The following OPCML variants were observed in gnomAD, a reference collection of about 807,000 sequenced individuals.
OPCML encodes opioid-binding protein/cell adhesion molecule.
In OPCML, 13 loss-of-function variants were observed where a neutral mutation model predicts 37.8. That is an observed-to-expected ratio of 0.34 (90% CI 0.22 to 0.55). The LOEUF is 0.55. Among genes scored for constraint, OPCML ranks in the 20% least tolerant of loss-of-function variants. The probability of loss-of-function intolerance (pLI) is 0.91; values close to 1 mark genes in which losing one functional copy is unlikely to be tolerated. For synonymous variants in OPCML, 176 were observed against 168.8 expected (o/e 1.04, Z -0.33); for missense variants, 341 against 435.6 (o/e 0.78, Z 1.93).
intron 2 of OPCML, among the ~76,000 whole-genome samples, chr11:132,735,591 C>G (rs1024678934): frequency 6.6e-6 from 1 of 152,096 alleles, no homozygotes; most frequent in African/African-American, 2.4e-5. Flanking sequence ...TTACACCACT[C>G]TCCTACCTCA....
intron 1 of OPCML, among the ~76,000 whole-genome samples, chr11:133,289,594 CAAAAAAAAA>C (rs1229577687): frequency 1.9e-5 from 1 of 52,304 alleles, no homozygotes. Context: ...GACTCCATCT[CAAAAAAAAA>C]AAAAAAAAAA....
intron 1 of OPCML, among the ~76,000 whole-genome samples, chr11:133,516,676 C>T (rs1467094292): frequency 6.6e-6 from 1 of 152,126 alleles, no homozygotes; most frequent in Non-Finnish European, 1.5e-5. Flanking sequence ...TAGATGGTCC[C>T]TGGTGCAGAG....
chr11:133,066,534 G>A (rs569201232), intron 1 of OPCML: 12 of 152,228 alleles, frequency 7.9e-5, no homozygotes, highest in African/African-American at 1.2e-4. Context: ...TTCTGACTAC[G>A]GTATCCAGCA....
intron 1 of OPCML, among the ~76,000 whole-genome samples, chr11:133,108,446 A>C (rs1420338155): frequency 6.6e-6 from 1 of 152,140 alleles, no homozygotes; most frequent in Non-Finnish European, 1.5e-5. Flanking sequence ...TGCAATCAAC[A>C]ATCCATCATA....
chr11:132,964,224 G>A (rs971717722), intron 1 of OPCML, among the ~76,000 whole-genome samples: 2 of 152,206 alleles, frequency 1.3e-5, no homozygotes, highest in East Asian at 3.9e-4. Flanking sequence ...TGTCTGAATC[G>A]TGTTGACTAC....
chr11:132,560,779 T>G (rs1160518567), intron 3 of OPCML, among the ~76,000 whole-genome samples: 1 of 152,002 alleles, frequency 6.6e-6, no homozygotes, highest in Admixed American at 6.6e-5. Context: ...GATGGGATTG[T>G]TTTTTTCTTG....
At chr11:132,581,182 A>G (rs1337826624) in intron 3 of OPCML, among the ~76,000 whole-genome samples, 9 of 152,214 alleles carry the variant, frequency 5.9e-5, no homozygotes, top group Non-Finnish European at 1.0e-4. Flanking sequence ...GATGCTTCCT[A>G]TAGATCATCA....
intron 3 of OPCML, among the ~76,000 whole-genome samples, chr11:132,648,200 G>T (rs1941251330): frequency 6.6e-6 from 1 of 152,176 alleles, no homozygotes; most frequent in Non-Finnish European, 1.5e-5. Flanking sequence ...CTATATGAGG[G>T]TCATGGTGGA....
At chr11:132,900,449 G>T (rs556194213) in intron 2 of OPCML, among the ~76,000 whole-genome samples, 1 of 152,064 alleles carries the variant, frequency 6.6e-6, no homozygotes, top group South Asian at 2.1e-4. Flanking sequence ...CATCCCAAAG[G>T]GTCTCCAGGT....
chr11:132,877,424 T>A (rs1943061933), intron 2 of OPCML, among the ~76,000 whole-genome samples: 1 of 152,112 alleles, frequency 6.6e-6, no homozygotes, highest in Non-Finnish European at 1.5e-5. Flanking sequence ...CACACTGGAG[T>A]CTGGCCCTAG....
chr11:133,136,828 CGT>C (rs141952561), intron 1 of OPCML, among the ~76,000 whole-genome samples: 39,321 of 125,896 alleles, frequency 0.31, 5,809 homozygotes, highest in Admixed American at 0.43. Context: ...TCTATGTGCA[CGT>C]GTGTGTGTGT....
intron 1 of OPCML, among the ~76,000 whole-genome samples, chr11:133,039,894 T>A (rs753698645): frequency 1.9e-4 from 29 of 151,830 alleles, no homozygotes; most frequent in South Asian, 1.5e-3. Flanking sequence ...CTGGGTATGG[T>A]GGTGGGCACC....
At chr11:132,552,415 A>G (rs756161286) in intron 3 of OPCML, among the ~76,000 whole-genome samples, 17 of 152,106 alleles carry the variant, frequency 1.1e-4, no homozygotes, top group Non-Finnish European at 1.2e-4. Context: ...AGTGTTCCCC[A>G]TATTTATCTG....
intron 1 of OPCML, among the ~76,000 whole-genome samples, chr11:132,962,693 C>A (rs1946119499): frequency 6.6e-6 from 1 of 152,210 alleles, no homozygotes; most frequent in Non-Finnish European, 1.5e-5. Context: ...TACTCTGTAC[C>A]ATCCCCACCT....
At chr11:132,795,315 TTTTG>T (rs768760541) in intron 2 of OPCML, among the ~76,000 whole-genome samples, 1 of 152,230 alleles carries the variant, frequency 6.6e-6, no homozygotes, top group African/African-American at 2.4e-5. Flanking sequence ...ATTCTGGAGT[TTTTG>T]TTTGTTTCTC....
At chr11:133,071,635 G>A (rs1948537267) in intron 1 of OPCML, among the ~76,000 whole-genome samples, 1 of 152,168 alleles carries the variant, frequency 6.6e-6, no homozygotes, top group African/African-American at 2.4e-5. Context: ...AAATGTAAAT[G>A]TAGATCATAC....
At chr11:133,122,696 G>A (rs939408560) in intron 1 of OPCML, among the ~76,000 whole-genome samples, 9 of 152,088 alleles carry the variant, frequency 5.9e-5, no homozygotes, top group Admixed American at 1.3e-4. Flanking sequence ...ACAACTCAGC[G>A]TTGATTTACC....
intron 4 of OPCML, among the ~76,000 whole-genome samples, chr11:132,467,425 A>G (rs1487932020): frequency 1.3e-5 from 2 of 152,252 alleles, no homozygotes; most frequent in African/African-American, 4.8e-5. Context: ...ACAATGTCAC[A>G]TTAGTCAACT....
chr11:133,201,832 C>T (rs755753158), intron 1 of OPCML, among the ~76,000 whole-genome samples: 24 of 152,116 alleles, frequency 1.6e-4, no homozygotes, highest in African/African-American at 2.2e-4. Flanking sequence ...GCCTTCTCAC[C>T]GCCTCTCCAA....
Sources: gnomAD v4.1 joint callset for allele counts (sites outside exome capture counted in the v4.1 genomes callset) on GRCh38, gnomAD v4.1.1 for gene constraint, MANE v1.5 for transcripts, NCBI Gene and HGNC (gene_info 2026-07-23, HGNC 2026-07-21) for gene names.